Variants in CCDC17 observed in about 807,000 individuals in gnomAD.
CCDC17 encodes the protein coiled-coil domain containing 17, also known as coiled-coil domain-containing protein 17.
In CCDC17, 79 loss-of-function variants were observed where a neutral mutation model predicts 68.0. The observed-to-expected ratio is 1.16, with a 90% CI of 0.97 to 1.40. The LOEUF (loss-of-function observed/expected upper bound fraction) is 1.40. CCDC17 is among the 40% of genes most tolerant of loss of function. The pLI is 0.00. For missense variants in CCDC17, 846 were observed against 811.5 expected (o/e 1.04, Z -0.52); for synonymous variants, 376 against 337.5 (o/e 1.11, Z -1.25).
In CCDC17 at chr1:45,622,358, A is replaced by G. The variant is rs758450262; in HGVS notation, c.860-10T>C. On this transcript the variant is annotated splice_polypyrimidine_tract_variant and intron_variant, in intron 6 of 12. Coordinates refer to ENST00000528266, the MANE Select transcript of CCDC17 (RefSeq NM_001114938.3). ...GTGGCACCTGCCCTTCCTGCGATGA[A>G]CAAGTGTGACCTGTCACCTTTGACC... is the stretch of plus-strand genomic sequence containing the variant. 1.9e-6 allele frequency: 3 copies of G among 1,602,556 alleles called. No individual in the cohort carries two copies. The highest frequency in any genetic ancestry group is 2.2e-5 in the South Asian group (2 of 89,542).
chr1:45,623,198 C>T lies in CCDC17; in HGVS notation c.493+19G>A, dbSNP rs759138267. On this transcript the variant is annotated intron_variant, in intron 3 of 12. Coordinates refer to ENST00000528266, the MANE Select transcript of CCDC17 (RefSeq NM_001114938.3). ...GAGGGCAGAGGAGGTCCTTGGTCCC[C>T]GTCCCCCATCTCCTTCACCCTCGCC... 4 of 1,541,660 alleles carry T rather than the reference C, an allele frequency of 2.6e-6. No homozygotes were observed. The highest frequency in any genetic ancestry group is 2.0e-5 in the Admixed American group (1 of 50,744).
In CCDC17 at chr1:45,622,587, G is replaced by A; in HGVS notation, c.821C>T (p.Ala274Val). The A allele has an allele frequency of 1.9e-6, 3 of 1,553,786 alleles. No homozygotes were observed. Among genetic ancestry groups the A allele is most frequent in the Non-Finnish European group, 2.6e-6 (3 of 1,148,436 alleles). ...LGQIWQLQVEASALELQRSQT... is the reference protein window; with the variant it reads ...LGQIWQLQVEVSALELQRSQT... ...CGACCGCTGCAGCTCCAGTGCAGACGCCTCCACCTGCAACTGCCATATCTG... is the reference window on the plus strand; with the variant it reads ...CGACCGCTGCAGCTCCAGTGCAGACACCTCCACCTGCAACTGCCATATCTG... Residue 274 changes from alanine to valine, a missense_variant, in exon 6 of 13, where the codon GCG becomes GTG. Ala to Val is a moderately conservative substitution (Grantham distance 64). Coordinates refer to ENST00000528266, the MANE Select transcript of CCDC17 (RefSeq NM_001114938.3).
Position 45,624,038 on chromosome 1 carries a change from T to C in CCDC17, c.-129A>G, listed in dbSNP as rs1403085151. The stretch of plus-strand genomic sequence containing the variant: ...GGAAAGGCCGTGTCTATTAGGTCTG[T>C]GAGATCTTCAAGTTTGTTTGGGGAG... On this transcript the variant is annotated 5_prime_UTR_variant, in exon 1 of 13. Transcript: ENST00000528266. 8.9e-6 allele frequency: 6 copies of C among 673,224 alleles called. No individual in the cohort carries two copies. Among genetic ancestry groups the C allele is most frequent in the Admixed American group, 3.1e-5 (1 of 32,408 alleles). The allele number at this position is 673,224 out of a possible 1,614,324, so 41.7% of individuals were successfully genotyped here.
In CCDC17 at chr1:45,622,928, C is replaced by T. The variant is rs771200003; in HGVS notation, c.656+27G>A. On this transcript the variant is annotated intron_variant, in intron 4 of 12. Coordinates refer to ENST00000528266, the MANE Select transcript of CCDC17 (RefSeq NM_001114938.3). ...CCCTCCCACCCCGGAGCCGCATGTT[C>T]CGGGGATCCGCTTAGTCGGGTCTCA... The T allele has an allele frequency of 3.1e-5, 47 of 1,500,516 alleles. No homozygotes were observed. In the South Asian group the frequency reaches 4.2e-4, roughly 13 times the overall value. The allele number at this position is 1,500,516 out of a possible 1,614,324, so 93.0% of individuals were successfully genotyped here.
Position 45,623,053 on chromosome 1 carries a change from C to T in CCDC17, c.558G>A (p.Leu186=). The T allele has an allele frequency of 3.7e-6, 6 of 1,611,038 alleles. No individual in the cohort carries two copies. Among genetic ancestry groups the T allele is most frequent in the Non-Finnish European group, 4.2e-6 (5 of 1,178,716 alleles). ...CTTGTAGTTCTCGAATCTCCTGCTCCAGGCCGAAGAGGCGGGACATCCCGC... is the reference window on the plus strand; with the variant it reads ...CTTGTAGTTCTCGAATCTCCTGCTCTAGGCCGAAGAGGCGGGACATCCCGC... The part of the protein sequence containing the change: ...TRGGMSRLFG[L]EQEIRELQAE... Residue 186 remains leucine, a synonymous_variant, in exon 4 of 13, where the codon CTG becomes CTA. Transcript: ENST00000528266.
chr1:45,620,268 C>T lies in CCDC17; in HGVS notation c.*7G>A, dbSNP rs1287839172. On this transcript the variant is annotated 3_prime_UTR_variant, in exon 13 of 13. Coordinates refer to ENST00000528266, the MANE Select transcript of CCDC17 (RefSeq NM_001114938.3). Reference sequence around the variant, plus strand: ...GTTCAGATGCTCATCTCCACATTCACTTGGGTTCAGAAACTCACTGGGGGC... The same window carrying T: ...GTTCAGATGCTCATCTCCACATTCATTTGGGTTCAGAAACTCACTGGGGGC... 3 of 1,608,114 alleles carry T rather than the reference C, an allele frequency of 1.9e-6. No homozygotes were observed. The highest frequency in any genetic ancestry group is 2.5e-6 in the Non-Finnish European group (3 of 1,178,176).
In CCDC17 at chr1:45,620,300, G is replaced by A; in HGVS notation, c.1844C>T (p.Ser615Phe). ...RDEGLGPHHSSDLPPVSF is the reference protein window; with the variant it reads ...RDEGLGPHHSFDLPPVSF Reference sequence around the variant, plus strand: ...TCAGAAACTCACTGGGGGCAAGTCAGAACTGTGGTGAGGGCCCAAACCCTC... The same window carrying A: ...TCAGAAACTCACTGGGGGCAAGTCAAAACTGTGGTGAGGGCCCAAACCCTC... The change falls in exon 13 of 13, where the codon TCT (serine) becomes TTT (phenylalanine). Residue 615 changes from serine to phenylalanine, a missense_variant. Ser to Phe is a radical substitution (Grantham distance 155). Transcript: ENST00000528266. The A allele has an allele frequency of 6.2e-7, 1 of 1,610,536 alleles. No individual in the cohort carries two copies. Among genetic ancestry groups the A allele is most frequent in the South Asian group, 1.1e-5 (1 of 90,242 alleles).
Position 45,622,680 on chromosome 1 carries a change from G to A in CCDC17, c.741-13C>T, listed in dbSNP as rs1644310453. The A allele has an allele frequency of 6.4e-7, 1 of 1,554,928 alleles. No individual in the cohort carries two copies. The highest frequency in any genetic ancestry group is 1.7e-4 in the Middle Eastern group (1 of 5,996). ...CTCCCGCAGCGCCCTAGGGAGTGGG[G>A]AACAGGAAGGCCGTCTTTCCAGAAC... is the stretch of plus-strand genomic sequence containing the variant. On this transcript the variant is annotated splice_polypyrimidine_tract_variant and intron_variant, in intron 5 of 12. Coordinates refer to ENST00000528266, the MANE Select transcript of CCDC17 (RefSeq NM_001114938.3).
chr1:45,621,587 C>T (rs1384874726), intron 9 of CCDC17, 51 bp downstream of exon 9: 4 of 1,603,408 alleles, frequency 2.5e-6, no homozygotes, highest in African/African-American at 1.3e-5. Context: ...CTCCCTTAAC[C>T]AGCAGTGCTG....
intron 4 of CCDC17, 45 bp from the exon 5 acceptor site, chr1:45,622,879 G>T: frequency 6.4e-7 from 1 of 1,573,928 alleles, no homozygotes; most frequent in Non-Finnish European, 8.6e-7. Flanking sequence ...CGCATCAGAG[G>T]CCCCGGGGCT....
In CCDC17 at chr1:45,620,310, G is replaced by A. The variant is rs2148384531; in HGVS notation, c.1834C>T (p.His612Tyr). Residue 612 changes from histidine (H) to tyrosine (Y), a missense_variant, in exon 13 of 13, where the codon CAC (histidine) becomes TAC (tyrosine). Transcript: ENST00000528266. ...ACTGGGGGCAAGTCAGAACTGTGGT[G>A]AGGGCCCAAACCCTCATCTCTATCC... ...VKDRDEGLGP[H>Y]HSSDLPPVSF 6.2e-7 allele frequency: 1 copy of A among 1,609,532 alleles called. No individual in the cohort carries two copies. Among genetic ancestry groups the A allele is most frequent in the Admixed American group, 1.7e-5 (1 of 58,624 alleles).
chr1:45,622,971 G>A lies in CCDC17; in HGVS notation c.640C>T (p.Leu214=). 2 of 1,601,418 alleles carry A rather than the reference G, an allele frequency of 1.2e-6. No homozygotes were observed. The highest frequency in any genetic ancestry group is 1.7e-6 in the Non-Finnish European group (2 of 1,172,942). Residue 214 remains leucine (L), a synonymous_variant, in exon 4 of 13, where the codon CTG becomes TTG. Transcript: ENST00000528266. ...GGGTCTCACCCTGGCTCCGCCTGCAGCTCCTGAATGCGGGCCCCCAACACC... is the reference window on the plus strand; with the variant it reads ...GGGTCTCACCCTGGCTCCGCCTGCAACTCCTGAATGCGGGCCCCCAACACC... ...LEVLGARIQE[L]QAEPGNPLSS... is the part of the protein sequence containing the mutation.
chr1:45,624,053 T>C lies in CCDC17; in HGVS notation c.-144A>G. On this transcript the variant is annotated 5_prime_UTR_variant, in exon 1 of 13. Coordinates refer to ENST00000528266, the MANE Select transcript of CCDC17 (RefSeq NM_001114938.3). ...ATTAGGTCTGTGAGATCTTCAAGTT[T>C]GTTTGGGGAGAGCCTTAGCTCCCTG... 1.6e-6 allele frequency: 1 copy of C among 627,626 alleles called. No homozygotes were observed. Among genetic ancestry groups the C allele is most frequent in the Non-Finnish European group, 2.7e-6 (1 of 370,548 alleles). The allele number at this position is 627,626 out of a possible 1,614,324, so 38.9% of individuals were successfully genotyped here.
Position 45,623,543 on chromosome 1 carries a change from G to A in CCDC17, c.270+14C>T. The A allele has an allele frequency of 1.9e-6, 3 of 1,548,516 alleles. No homozygotes were observed. Among genetic ancestry groups the A allele is most frequent in the Non-Finnish European group, 2.6e-6 (3 of 1,146,812 alleles). ...TCAACGTTTTGAGCCCTGGGGGAAG[G>A]TAGGTAGCTCTACCTCCTCTGTTAA... On this transcript the variant is annotated intron_variant, in intron 2 of 12. Coordinates refer to ENST00000528266, the MANE Select transcript of CCDC17 (RefSeq NM_001114938.3).
rs922902484 is a variant in CCDC17, at chr1:45,622,189, G to C, written c.967+52C>G. 5.2e-6 allele frequency: 8 copies of C among 1,526,626 alleles called. No individual in the cohort carries two copies. The African/African-American group carries it at 1.1e-4, about 21-fold the overall frequency. The allele number at this position is 1,526,626 out of a possible 1,614,324, so 94.6% of individuals were successfully genotyped here. A position where few individuals can be genotyped will look rare whatever the true frequency, so the allele number is the denominator to read the frequency against. On this transcript the variant is annotated intron_variant, in intron 7 of 12. Transcript: ENST00000528266. Reference sequence around the variant, plus strand: ...CCCATGCACTGTCTGCCTGAGCCAGGCCTGCTGGGGAGAGATAAGTGGGAT... The same window carrying C: ...CCCATGCACTGTCTGCCTGAGCCAGCCCTGCTGGGGAGAGATAAGTGGGAT...
rs143765805 is a variant in CCDC17 at position 45,620,959 on chromosome 1, G to C, written c.1543C>G (p.Arg515Gly). 6.2e-7 allele frequency: 1 copy of C among 1,613,854 alleles called. No homozygotes were observed. Among genetic ancestry groups the C allele is most frequent in the Non-Finnish European group, 8.5e-7 (1 of 1,179,838 alleles). Residue 515 changes from arginine to glycine, a missense_variant, in exon 11 of 13, where the codon CGG becomes GGG. Transcript: ENST00000528266. ...VLSGRWRLPL[R>G]ALPLDPSLSL... ...AGGCTGGGGTCCAGAGGAAGGGCCC[G>C]AAGTGGGAGGCGCCAGCGGCCACTT...
At position 45,620,932 on chromosome 1, in the gene CCDC17, T is replaced by C. The variant is rs1021784302; in HGVS notation, c.1570A>G (p.Ser524Gly). ...LRALPLDPSL[S>G]LGQLNGIPQA... ...GGAATCCCATTCAGCTGCCCAAGGCTAAGGCTGGGGTCCAGAGGAAGGGCC... is the reference window on the plus strand; with the variant it reads ...GGAATCCCATTCAGCTGCCCAAGGCCAAGGCTGGGGTCCAGAGGAAGGGCC... Residue 524 changes from serine (S) to glycine (G), a missense_variant, in exon 11 of 13, where the codon AGC (serine) becomes GGC (glycine). Physicochemically the swap from Ser to Gly is moderately conservative, Grantham distance 56. Transcript: ENST00000528266. The C allele has an allele frequency of 5.6e-6, 9 of 1,613,872 alleles. No homozygotes were observed. The Middle Eastern group carries it at 9.9e-4, about 177-fold the overall frequency.
At position 45,623,341 on chromosome 1, in the gene CCDC17, A is replaced by G. The variant is rs916226604; in HGVS notation, c.369T>C (p.Pro123=). ...AGPWTRSEAR[P]QSPMSEAVGS... Reference sequence around the variant, plus strand: ...CCACCGCCTCGGACATGGGACTCTGAGGCCGCGCCTCGGAACGTGTCCAGG... The same window carrying G: ...CCACCGCCTCGGACATGGGACTCTGGGGCCGCGCCTCGGAACGTGTCCAGG... The change falls in exon 3 of 13, where the codon CCT becomes CCC. Residue 123 remains proline, a synonymous_variant. Coordinates refer to ENST00000528266, the MANE Select transcript of CCDC17 (RefSeq NM_001114938.3). 5.6e-5 allele frequency: 87 copies of G among 1,550,534 alleles called. No homozygotes were observed. Among genetic ancestry groups the G allele is most frequent in the Non-Finnish European group, 6.9e-5 (79 of 1,146,986 alleles).
rs1480716142 is a variant in CCDC17, at chr1:45,621,871, C to G, written c.1086+6G>C. The G allele has an allele frequency of 4.4e-6, 7 of 1,598,214 alleles. No homozygotes were observed. The highest frequency in any genetic ancestry group is 6.0e-6 in the Non-Finnish European group (7 of 1,172,786). On this transcript the variant is annotated splice_donor_region_variant and intron_variant, in intron 8 of 12. Coordinates refer to ENST00000528266, the MANE Select transcript of CCDC17 (RefSeq NM_001114938.3). ...TCACAGCCTTTGCCCCACCCAAGAA[C>G]TGAACCTCCGAGAAGCCTGGAAGTG...
Sources: gnomAD v4.1 joint callset for allele counts on GRCh38, gnomAD v4.1.1 for gene constraint, MANE v1.5 for transcripts, NCBI Gene and HGNC (gene_info 2026-07-23, HGNC 2026-07-21) for gene names.